The following FREM2 variants were observed in gnomAD, a reference collection of about 807,000 sequenced individuals.
FREM2 encodes FRAS1-related extracellular matrix protein 2.
FREM2 carries 119 observed loss-of-function variants against 219.9 expected under a neutral mutation model. The ratio of observed to expected loss-of-function variants is 0.54; its 90% confidence interval spans 0.47 to 0.63. The LOEUF (loss-of-function observed/expected upper bound fraction) is 0.63. FREM2 is among the 30% of genes least tolerant of loss of function. FREM2 has a pLI of 0.00. For synonymous variants in FREM2, 1,562 were observed against 1,522.8 expected (o/e 1.03, Z -0.60); for missense variants, 4,030 against 3,993.6 (o/e 1.01, Z -0.25).
At chr13:38,830,915 G>T (rs938340582) in intron 6 of FREM2, among the ~76,000 whole-genome samples, 1 of 152,110 alleles carries the variant, frequency 6.6e-6, no homozygotes, top group African/African-American at 2.4e-5. Context: ...ACTCTAATAT[G>T]TGTACATTCA....
At position 38,701,780 on chromosome 13, in the gene FREM2, A is replaced by G. The variant is rs144376975; in HGVS notation, c.5263+3993A>G. Reference sequence around the variant, plus strand: ...CTCCAAAGTTGCTCCCAACATCACAATTACATAATTAGTCTCACTCTTTTT... The same window carrying G: ...CTCCAAAGTTGCTCCCAACATCACAGTTACATAATTAGTCTCACTCTTTTT... On this transcript the variant is annotated intron_variant, in intron 2 of 23. Transcript: ENST00000280481. 1.1e-4 allele frequency among the ~76,000 whole-genome samples: 17 copies of G among 152,232 alleles called. No homozygotes were observed. In the East Asian group the frequency reaches 3.1e-3, roughly 28 times the overall value.
In FREM2 at chr13:38,806,250, C is replaced by A. The variant is rs557610708; in HGVS notation, c.6019+21442C>A. ...TTCTACTTAATTCTAAACTTTGATT[C>A]AGAACCCACCAGGCCAGCTGTTTAT... On this transcript the variant is annotated intron_variant, in intron 6 of 23. Transcript: ENST00000280481. Among the ~76,000 whole-genome samples the A allele has an allele frequency of 1.3e-5, 2 of 151,968 alleles. 1 individual carries two copies. The highest frequency in any genetic ancestry group is 4.0e-4 in the East Asian group (2 of 5,012).
At chr13:38,798,918 A>G (rs908841535) in intron 6 of FREM2, among the ~76,000 whole-genome samples, 3 of 151,624 alleles carry the variant, frequency 2.0e-5, no homozygotes, top group Non-Finnish European at 2.9e-5. Context: ...CAGAGAACCA[A>G]CTTTTTCTTT....
chr13:38,775,193 T>TC (rs1873821934), intron 4 of FREM2, among the ~76,000 whole-genome samples: 1 of 152,196 alleles, frequency 6.6e-6, no homozygotes, highest in African/African-American at 2.4e-5. Flanking sequence ...AATATGAAAC[T>TC]CAAACATTCA....
intron 2 of FREM2, among the ~76,000 whole-genome samples, chr13:38,706,009 T>C (rs1344877980): frequency 6.6e-6 from 1 of 152,190 alleles, no homozygotes; most frequent in Non-Finnish European, 1.5e-5. Context: ...TTTCACACGT[T>C]GTAAGTAGTT....
At chr13:38,730,882 A>G (rs549180506) in intron 2 of FREM2, among the ~76,000 whole-genome samples, 2 of 151,942 alleles carry the variant, frequency 1.3e-5, no homozygotes, top group East Asian at 1.9e-4. Flanking sequence ...TTACTCACCT[A>G]CACCAAAAGG....
At chr13:38,770,612 A>AT (rs1359800450) in intron 4 of FREM2, among the ~76,000 whole-genome samples, 21 of 152,176 alleles carry the variant, frequency 1.4e-4, no homozygotes, top group Admixed American at 2.6e-4. Flanking sequence ...CCAGCCAAAA[A>AT]TTTTTATTTG....
rs1386170805 is a variant in FREM2, at chr13:38,872,949, C to T, written c.8176+15C>T. The T allele has an allele frequency of 3.7e-6, 6 of 1,610,880 alleles. No homozygotes were observed. In the South Asian group the frequency reaches 6.6e-5, roughly 18 times the overall value. ...TGAACTTCAAGGTGAGTTCAGAAGA[C>T]TTGGAAAATTCTATAGTTTTGTAAC... On this transcript the variant is annotated intron_variant, in intron 17 of 23. Coordinates refer to ENST00000280481, the MANE Select transcript of FREM2 (RefSeq NM_207361.6).
intron 4 of FREM2, among the ~76,000 whole-genome samples, chr13:38,776,567 AAT>A (rs1457206719): frequency 2.0e-5 from 3 of 152,348 alleles, no homozygotes; most frequent in African/African-American, 7.2e-5. Flanking sequence ...TACTCATTAC[AAT>A]ATAGTCACAT....
At chr13:38,859,071 A>G (rs1877660820) in intron 13 of FREM2, among the ~76,000 whole-genome samples, 1 of 152,206 alleles carries the variant, frequency 6.6e-6, no homozygotes, top group Admixed American at 6.5e-5. Flanking sequence ...TTTTACACAT[A>G]TTAAGTTAGA....
chr13:38,884,665 C>T lies in FREM2; in HGVS notation c.*3878C>T, dbSNP rs899230925. On this transcript the variant is annotated 3_prime_UTR_variant, in exon 24 of 24. Transcript: ENST00000280481. ...GATGAAAACAAGTGTCTTCACTAAG[C>T]GTATGGCCAATAAATGGGACCCAAA... 1 of 152,134 alleles carries T rather than the reference C, an allele frequency of 6.6e-6. No homozygotes were observed. Among genetic ancestry groups the T allele is most frequent in the African/African-American group, 2.4e-5 (1 of 41,432 alleles). 9.4% of individuals were successfully genotyped at this position (152,134 alleles called of 1,614,324 possible).
At chr13:38,813,620 A>G (rs1875634898) in intron 6 of FREM2, among the ~76,000 whole-genome samples, 1 of 129,446 alleles carries the variant, frequency 7.7e-6, no homozygotes, top group Admixed American at 8.0e-5. Flanking sequence ...TGCTTTTAGG[A>G]TCTTTTCTTT....
chr13:38,727,661 A>G (rs547696815), intron 2 of FREM2, among the ~76,000 whole-genome samples: 3 of 152,362 alleles, frequency 2.0e-5, no homozygotes, highest in South Asian at 2.1e-4. Flanking sequence ...CTCAATACAC[A>G]CCTAGTGAAT....
chr13:38,687,358 G>A lies in FREM2; in HGVS notation c.14G>A (p.Gly5Glu). MHSA[G>E]TPGLSSRRTG... is the part of the protein sequence containing the mutation. ...AACACCGGGACCATGCACTCAGCCG[G>A]GACTCCCGGGTTATCCTCGCGCCGG... is the stretch of plus-strand genomic sequence containing the variant. Residue 5 changes from glycine (G) to glutamate (E), a missense_variant, in exon 1 of 24, where the codon GGG becomes GAG. Physicochemically the swap from Gly to Glu is moderately conservative, Grantham distance 98 (BLOSUM62 -2). Coordinates refer to ENST00000280481, the MANE Select transcript of FREM2 (RefSeq NM_207361.6). The A allele has an allele frequency of 1.2e-6, 2 of 1,606,530 alleles. No individual in the cohort carries two copies. Among genetic ancestry groups the A allele is most frequent in the Non-Finnish European group, 1.7e-6 (2 of 1,176,906 alleles).
chr13:38,802,501 A>C (rs1399453026), intron 6 of FREM2, among the ~76,000 whole-genome samples: 1 of 152,190 alleles, frequency 6.6e-6, no homozygotes, highest in Non-Finnish European at 1.5e-5. Context: ...CAGTGGGAAC[A>C]GAATAGATAG....
chr13:38,846,812 C>A, intron 7 of FREM2, 90 bp downstream of exon 7: 2 of 1,412,006 alleles, frequency 1.4e-6, no homozygotes, highest in Non-Finnish European at 2.0e-6. Flanking sequence ...TACTTCACTT[C>A]TATTAAAGCA....
At chr13:38,765,206 G>A (rs748539063) in intron 3 of FREM2, among the ~76,000 whole-genome samples, 45 of 152,248 alleles carry the variant, frequency 3.0e-4, no homozygotes, top group Admixed American at 8.5e-4. Context: ...CACCGCGCCC[G>A]GCCTCAAGTT....
intron 6 of FREM2, among the ~76,000 whole-genome samples, chr13:38,788,129 G>C (rs1874406584): frequency 6.6e-6 from 1 of 152,076 alleles, no homozygotes; most frequent in African/African-American, 2.4e-5. Context: ...TTTCTTTACA[G>C]TTACTTGAAA....
In FREM2 at chr13:38,691,029, A is replaced by T; in HGVS notation, c.3685A>T (p.Ile1229Phe). The T allele has an allele frequency of 6.2e-7, 1 of 1,614,150 alleles. No homozygotes were observed. The highest frequency in any genetic ancestry group is 2.2e-5 in the East Asian group (1 of 44,886). ...TCCCCTGGATGATTTAACTTTCACT[A>T]TTACCCAATTCCCCACTCATGGTCA... is the stretch of plus-strand genomic sequence containing the variant. ...DVPLDDLTFT[I>F]TQFPTHGHIM... The change falls in exon 1 of 24, where the codon ATT (isoleucine) becomes TTT (phenylalanine). Residue 1229 changes from isoleucine (I) to phenylalanine (F), a missense_variant. Physicochemically the swap from Ile to Phe is conservative, Grantham distance 21. Transcript: ENST00000280481.
Sources: gnomAD v4.1 joint callset for allele counts (sites outside exome capture counted in the v4.1 genomes callset) on GRCh38, gnomAD v4.1.1 for gene constraint, MANE v1.5 for transcripts, NCBI Gene and HGNC (gene_info 2026-07-23, HGNC 2026-07-21) for gene names.